Variants in MDGA2 observed in about 807,000 individuals in gnomAD.
The protein encoded by MDGA2 is MAM domain-containing glycosylphosphatidylinositol anchor protein 2.
In MDGA2, 40 loss-of-function variants were observed where a neutral mutation model predicts 117.8. The ratio of observed to expected loss-of-function variants is 0.34; its 90% confidence interval spans 0.26 to 0.44. The LOEUF is 0.44. Ranked by LOEUF, MDGA2 falls within the 20% of genes least tolerant of loss-of-function variation. The pLI, the probability that MDGA2 is intolerant of heterozygous loss-of-function variation, is 1.00. For missense variants in MDGA2, 1,123 were observed against 1,250.6 expected (o/e 0.90, Z 1.54); for synonymous variants, 452 against 439.0 (o/e 1.03, Z -0.37).
intron 5 of MDGA2, among the ~76,000 whole-genome samples, chr14:47,130,208 G>A (rs1208446581): frequency 6.6e-6 from 1 of 151,930 alleles, no homozygotes; most frequent in Non-Finnish European, 1.5e-5. Context: ...TTTTCTTCTA[G>A]GGTTTTTATG....
At chr14:47,215,794 G>A (rs1566684868) in intron 3 of MDGA2, among the ~76,000 whole-genome samples, 1 of 152,060 alleles carries the variant, frequency 6.6e-6, no homozygotes, top group East Asian at 1.9e-4. Context: ...TAGACAGCTT[G>A]TTAATAAAGC....
chr14:47,512,523 A>T (rs977140024), intron 1 of MDGA2, among the ~76,000 whole-genome samples: 1 of 152,158 alleles, frequency 6.6e-6, no homozygotes, highest in Non-Finnish European at 1.5e-5. Flanking sequence ...CACCTTTCAA[A>T]TGCCAAAGAT....
chr14:47,251,318 T>C (rs576614169), intron 2 of MDGA2, among the ~76,000 whole-genome samples: 45 of 152,184 alleles, frequency 3.0e-4, no homozygotes, highest in Non-Finnish European at 4.7e-4. Flanking sequence ...ATCATTCAGA[T>C]CTCAGCAAGA....
intron 7 of MDGA2, among the ~76,000 whole-genome samples, chr14:47,038,064 G>A (rs1888921294): frequency 6.6e-6 from 1 of 152,002 alleles, no homozygotes; most frequent in Non-Finnish European, 1.5e-5. Flanking sequence ...TGAGTAGCTG[G>A]GATTACAGGT....
At chr14:47,097,794 C>T (rs1408525052) in intron 5 of MDGA2, among the ~76,000 whole-genome samples, 1 of 151,978 alleles carries the variant, frequency 6.6e-6, no homozygotes, top group Non-Finnish European at 1.5e-5. Flanking sequence ...AGAGCTCAAA[C>T]AGCCACCAAA....
intron 8 of MDGA2, among the ~76,000 whole-genome samples, chr14:46,960,945 T>TAC (rs1272793579): frequency 2.4e-5 from 3 of 122,778 alleles, no homozygotes; most frequent in African/African-American, 1.2e-4. Flanking sequence ...TGCGTATATA[T>TAC]ATATACACAC....
intron 3 of MDGA2, among the ~76,000 whole-genome samples, chr14:47,204,124 T>C (rs1178413645): frequency 6.6e-6 from 1 of 152,030 alleles, no homozygotes; most frequent in Non-Finnish European, 1.5e-5. Context: ...TAATTTTTTA[T>C]GCATACTAAG....
chr14:47,061,400 T>G lies in MDGA2; in HGVS notation c.1374A>C (p.Thr458=). ...PLRSSERMVI[T]QTDPDVSPGT... Reference sequence around the variant, plus strand: ...CCGGAGAGACATCAGGATCAGTCTGTGTAATGACCATCCGCTCAGAACTTC... The same window carrying G: ...CCGGAGAGACATCAGGATCAGTCTGGGTAATGACCATCCGCTCAGAACTTC... Residue 458 remains threonine, a synonymous_variant, in exon 7 of 17, where the codon ACA becomes ACC. Coordinates refer to ENST00000399232, the MANE Select transcript of MDGA2 (RefSeq NM_001113498.3). The G allele has an allele frequency of 3.1e-6, 5 of 1,613,664 alleles. No individual in the cohort carries two copies. The highest frequency in any genetic ancestry group is 4.2e-6 in the Non-Finnish European group (5 of 1,179,678).
chr14:46,990,514 C>T (rs1012762049), intron 8 of MDGA2, among the ~76,000 whole-genome samples: 8 of 151,828 alleles, frequency 5.3e-5, no homozygotes, highest in African/African-American at 1.9e-4. Flanking sequence ...ATACAGGAAA[C>T]AGGTAAAGAA....
chr14:47,393,274 C>G (rs10483573), intron 1 of MDGA2, among the ~76,000 whole-genome samples: 39,644 of 151,438 alleles, frequency 0.26, 5,519 homozygotes, highest in Middle Eastern at 0.41. Context: ...TGTGTACTTA[C>G]TATGGCAAAA....
chr14:47,161,927 C>CTTTTTTTTTTTTTTT (rs71112489), intron 3 of MDGA2, among the ~76,000 whole-genome samples: 1 of 52,510 alleles, frequency 1.9e-5, no homozygotes, highest in Non-Finnish European at 3.5e-5. Flanking sequence ...TCCCCAGATC[C>CTTTTTTTTTTTTTTT]TTTTTTTTTT....
chr14:47,504,404 T>A (rs577798253), intron 1 of MDGA2, among the ~76,000 whole-genome samples: 1 of 146,518 alleles, frequency 6.8e-6, no homozygotes, highest in African/African-American at 2.6e-5. Context: ...ATACATATAT[T>A]TTTTTTCAAT....
intron 1 of MDGA2, among the ~76,000 whole-genome samples, chr14:47,323,097 T>A (rs1890028715): frequency 6.8e-6 from 1 of 147,126 alleles, no homozygotes; most frequent in South Asian, 2.2e-4. Context: ...CCCATTTTCC[T>A]GGAATGAACT....
At chr14:47,446,498 G>A (rs1331179932) in intron 1 of MDGA2, among the ~76,000 whole-genome samples, 5 of 152,002 alleles carry the variant, frequency 3.3e-5, no homozygotes, top group African/African-American at 1.2e-4. Context: ...TGAAATAAAT[G>A]AAAATACTAG....
intron 8 of MDGA2, among the ~76,000 whole-genome samples, chr14:47,002,153 A>AT (rs1887554574): frequency 6.6e-6 from 1 of 152,120 alleles, no homozygotes; most frequent in Non-Finnish European, 1.5e-5. Context: ...TAATAATTAT[A>AT]AAACAATGTA....
chr14:47,002,362 A>G (rs1035333443), intron 8 of MDGA2, among the ~76,000 whole-genome samples: 10 of 152,104 alleles, frequency 6.6e-5, no homozygotes, highest in African/African-American at 2.4e-4. Flanking sequence ...GAAATGGTTT[A>G]GGACAAAATA....
intron 3 of MDGA2, among the ~76,000 whole-genome samples, chr14:47,171,596 G>C (rs902236715): frequency 1.3e-5 from 2 of 152,144 alleles, no homozygotes; most frequent in African/African-American, 4.8e-5. Flanking sequence ...TATACATTTT[G>C]AATGCATGCT....
chr14:47,335,373 C>A (rs1379730882), intron 1 of MDGA2, among the ~76,000 whole-genome samples: 6 of 147,824 alleles, frequency 4.1e-5, no homozygotes, highest in Non-Finnish European at 8.9e-5. Context: ...GAAAAGAAGA[C>A]ATTGGAGCAA....
chr14:47,035,025 T>C lies in MDGA2; in HGVS notation c.1805A>G (p.Gln602Arg). Residue 602 changes from glutamine (Q) to arginine (R), a missense_variant, in exon 8 of 17, where the codon CAG becomes CGG. Around this residue, in one of 2 missense-constraint regions of MDGA2, gnomAD observed 890 missense variants for 1,050.3 expected, o/e 0.85. Transcript: ENST00000399232. ...AATTTACTTACACTGAACGATGAGC[T>C]GCACCAAGGCTTCCCTTGGTTTCAC... ...FNVKPREALVQLIVQYPPAVE... is the reference protein window; with the variant it reads ...FNVKPREALVRLIVQYPPAVE... The C allele has an allele frequency of 6.2e-7, 1 of 1,613,214 alleles. No homozygotes were observed. The highest frequency in any genetic ancestry group is 8.5e-7 in the Non-Finnish European group (1 of 1,179,450).
Sources: gnomAD v4.1 joint callset for allele counts (sites outside exome capture counted in the v4.1 genomes callset) on GRCh38, gnomAD v4.1.1 for gene constraint, gnomAD v4.1.1 regional missense constraint, MANE v1.5 for transcripts, NCBI Gene and HGNC (gene_info 2026-07-23, HGNC 2026-07-21) for gene names.